SRPK1: variants seen among roughly 807,000 people sequenced by gnomAD.
SRPK1 encodes SRSF protein kinase 1, also known as SFRS protein kinase 1.
In SRPK1, 52 loss-of-function variants were observed where a neutral mutation model predicts 89.5. That is an observed-to-expected ratio of 0.58 (90% CI 0.46 to 0.73). SRPK1 has a LOEUF of 0.73. SRPK1 is among the 30% of genes least tolerant of loss of function. The pLI is 0.00. For synonymous variants in SRPK1, 255 were observed against 270.2 expected (o/e 0.94, Z 0.55); for missense variants, 603 against 780.6 (o/e 0.77, Z 2.71).
intron 13 of SRPK1, among the ~76,000 whole-genome samples, chr6:35,845,408 T>C (rs1379092849): frequency 6.6e-6 from 1 of 152,222 alleles, no homozygotes; most frequent in East Asian, 1.9e-4. Flanking sequence ...AACCTAAAAC[T>C]GCTCTAAAAA....
intron 6 of SRPK1, among the ~76,000 whole-genome samples, chr6:35,885,871 C>T (rs562986030): frequency 6.6e-6 from 1 of 152,248 alleles, no homozygotes; most frequent in South Asian, 2.1e-4. Flanking sequence ...AGTTCTAAAA[C>T]ATCCAGATAA....
At chr6:35,836,543 A>G (rs1769182842) in intron 15 of SRPK1, among the ~76,000 whole-genome samples, 2 of 152,076 alleles carry the variant, frequency 1.3e-5, no homozygotes. Context: ...ACTTGAGCTC[A>G]GGAGTTCAAG....
At chr6:35,884,230 T>G (rs1420516430) in intron 6 of SRPK1, among the ~76,000 whole-genome samples, 2 of 151,910 alleles carry the variant, frequency 1.3e-5, no homozygotes, top group Non-Finnish European at 2.9e-5. Flanking sequence ...AAGCAGACAA[T>G]AATGACTGGC....
chr6:35,848,440 C>T (rs1230897256), intron 13 of SRPK1, among the ~76,000 whole-genome samples: 3 of 152,074 alleles, frequency 2.0e-5, no homozygotes, highest in Non-Finnish European at 2.9e-5. Context: ...ACCTGTAGTC[C>T]CAGCTATTTG....
chr6:35,895,465 G>A (rs1246208405), intron 2 of SRPK1, among the ~76,000 whole-genome samples: 2 of 147,218 alleles, frequency 1.4e-5, no homozygotes, highest in African/African-American at 4.9e-5. Context: ...GTGTGTGTGT[G>A]TGTTCATCCA....
In SRPK1 at chr6:35,890,875, A is replaced by C; in HGVS notation, c.193+20T>G. 1 of 1,541,078 alleles carries C rather than the reference A, an allele frequency of 6.5e-7. No homozygotes were observed. The highest frequency in any genetic ancestry group is 8.7e-7 in the Non-Finnish European group (1 of 1,143,594). On this transcript the variant is annotated intron_variant, in intron 3 of 15. Coordinates refer to ENST00000373825, the MANE Select transcript of SRPK1 (RefSeq NM_003137.5). ...AAATAGATGGCTCATGTCTCACTTCATACCTCTTTATGAACTTACCTTTAC... is the reference window on the plus strand; with the variant it reads ...AAATAGATGGCTCATGTCTCACTTCCTACCTCTTTATGAACTTACCTTTAC...
At chr6:35,852,580 G>C (rs1337339274) in intron 13 of SRPK1, among the ~76,000 whole-genome samples, 1 of 152,184 alleles carries the variant, frequency 6.6e-6, no homozygotes, top group Non-Finnish European at 1.5e-5. Flanking sequence ...ACAATCTTTG[G>C]TGAAATCTAA....
chr6:35,859,760 G>A (rs183540136), intron 12 of SRPK1, among the ~76,000 whole-genome samples: 8 of 152,298 alleles, frequency 5.3e-5, no homozygotes, highest in African/African-American at 1.9e-4. Context: ...ATTCAATGGG[G>A]TGCAACACAC....
intron 6 of SRPK1, among the ~76,000 whole-genome samples, chr6:35,884,324 C>A (rs1770359722): frequency 6.6e-6 from 1 of 152,164 alleles, no homozygotes; most frequent in Admixed American, 6.5e-5. Flanking sequence ...GTAGAGTGAG[C>A]CAGTTTATAT....
chr6:35,872,719 C>A lies in SRPK1; in HGVS notation c.595G>T (p.Gly199Cys). Reference sequence around the variant, plus strand: ...CACTTGGTATGTAAATAATCAAGACCCTGTAACACCTGAATGGAAATAGAG... The same window carrying A: ...CACTTGGTATGTAAATAATCAAGACACTGTAACACCTGAATGGAAATAGAG... ...VKKIIQQVLQ[G>C]LDYLHTKCRI... Residue 199 changes from glycine to cysteine, a missense_variant, in exon 8 of 16, where the codon GGT becomes TGT. Coordinates refer to ENST00000373825, the MANE Select transcript of SRPK1 (RefSeq NM_003137.5). 1.9e-6 allele frequency: 3 copies of A among 1,599,602 alleles called. No homozygotes were observed. Among genetic ancestry groups the A allele is most frequent in the South Asian group, 1.1e-5 (1 of 87,298 alleles).
chr6:35,917,394 T>C (rs769806328), intron 2 of SRPK1, among the ~76,000 whole-genome samples: 27 of 152,248 alleles, frequency 1.8e-4, no homozygotes, highest in Admixed American at 6.5e-4. Flanking sequence ...ATCCCAGCTT[T>C]GCAATTTTCT....
intron 6 of SRPK1, among the ~76,000 whole-genome samples, chr6:35,882,086 CAGT>C (rs1020007444): frequency 6.7e-6 from 1 of 148,468 alleles, no homozygotes; most frequent in South Asian, 2.1e-4. Context: ...GTAGTAGTAG[CAGT>C]AGTAGTAGTA....
At position 35,888,874 on chromosome 6, in the gene SRPK1, A is replaced by T. The variant is rs573313924; in HGVS notation, c.243T>A (p.His81Gln). ...KIGDLFNGRY[H>Q]VIRKLGWGHF... is the part of the protein sequence containing the mutation. ...GTCCCCAGCCTAACTTTCGGATCAC[A>T]TGGTATCTCCCATTGAATAGATCTC... Residue 81 changes from histidine to glutamine, a missense_variant, in exon 4 of 16, where the codon CAT (histidine) becomes CAA (glutamine). Physicochemically the swap from His to Gln is conservative, Grantham distance 24 (BLOSUM62 0). Coordinates refer to ENST00000373825, the MANE Select transcript of SRPK1 (RefSeq NM_003137.5). The T allele has an allele frequency of 6.2e-7, 1 of 1,613,520 alleles. No homozygotes were observed. The highest frequency in any genetic ancestry group is 8.5e-7 in the Non-Finnish European group (1 of 1,179,546).
Position 35,842,683 on chromosome 6 carries a change from T to C in SRPK1, c.1621-79A>G, listed in dbSNP as rs545056263. 1,772 of 1,013,036 alleles carry C rather than the reference T, an allele frequency of 1.7e-3. 4 individuals carry two copies. The highest frequency in any genetic ancestry group is 2.3e-3 in the Non-Finnish European group (1,658 of 711,486). 62.8% of individuals were successfully genotyped at this position (1,013,036 alleles called of 1,614,324 possible). ...GAAAGCTGATTGCTATTTGGCTCAA[T>C]ATGAAGTAACTCTTGTTCCCTTGGG... On this transcript the variant is annotated intron_variant, in intron 13 of 15. Transcript: ENST00000373825.
At chr6:35,911,263 T>A (rs1770954880) in intron 2 of SRPK1, among the ~76,000 whole-genome samples, 1 of 152,166 alleles carries the variant, frequency 6.6e-6, no homozygotes, top group African/African-American at 2.4e-5. Flanking sequence ...CCCTCATGCA[T>A]GACTGAAATG....
chr6:35,896,125 T>C (rs528705821), intron 2 of SRPK1, among the ~76,000 whole-genome samples: 1 of 152,310 alleles, frequency 6.6e-6, no homozygotes, highest in African/African-American at 2.4e-5. Context: ...TTATAGCCAG[T>C]TGATCAGAAG....
intron 13 of SRPK1, among the ~76,000 whole-genome samples, chr6:35,847,957 A>G (rs1769460620): frequency 1.3e-5 from 2 of 151,840 alleles, no homozygotes; most frequent in Non-Finnish European, 2.9e-5. Context: ...CCTCCCAAGT[A>G]GCATGCACCA....
In SRPK1 at chr6:35,870,451, T is replaced by C. The variant is rs754914921; in HGVS notation, c.821A>G (p.Lys274Arg). The C allele has an allele frequency of 1.3e-6, 2 of 1,554,400 alleles. No individual in the cohort carries two copies. The highest frequency in any genetic ancestry group is 2.4e-5 in the South Asian group (2 of 84,350). ...SKNKKKKLKK[K>R]QKRQAELLEK... ...TAGTAATTCTGCCTGGCGCTTCTGC[T>C]TCTTCTTCAATTTCTTCTTCTTATT... Residue 274 changes from lysine (K) to arginine (R), a missense_variant, in exon 10 of 16, where the codon AAG becomes AGG. Lys to Arg is a conservative substitution (Grantham distance 26). Transcript: ENST00000373825.
At chr6:35,876,854 C>G (rs1470657558) in intron 6 of SRPK1, among the ~76,000 whole-genome samples, 1 of 152,172 alleles carries the variant, frequency 6.6e-6, no homozygotes, top group Non-Finnish European at 1.5e-5. Context: ...ATCTTATTGC[C>G]TTGAGGCTTT....
Sources: gnomAD v4.1 joint callset for allele counts (sites outside exome capture counted in the v4.1 genomes callset) on GRCh38, gnomAD v4.1.1 for gene constraint, MANE v1.5 for transcripts, NCBI Gene and HGNC (gene_info 2026-07-23, HGNC 2026-07-21) for gene names.